Variants in PIWIL3 observed in about 807,000 individuals in gnomAD.
PIWIL3 encodes the protein piwi-like protein 3.
Under a neutral mutation model 109.7 loss-of-function variants are expected in PIWIL3, and 101 were observed. The ratio of observed to expected loss-of-function variants is 0.92; its 90% CI spans 0.78 to 1.09. The LOEUF is 1.09. Ranked by LOEUF, PIWIL3 falls within the 50% of genes least tolerant of loss-of-function variation. The pLI is 0.00. For missense variants in PIWIL3, 1,031 were observed against 1,072.6 expected, an observed-to-expected ratio of 0.96 and a Z score of 0.54; for synonymous variants, 373 against 376.4, an observed-to-expected ratio of 0.99 and a Z score of 0.10.
chr22:24,768,233 G>T (rs1006705449), intron 1 of PIWIL3, among the ~76,000 whole-genome samples: 4 of 151,226 alleles, frequency 2.6e-5, no homozygotes, highest in Admixed American at 1.3e-4. Flanking sequence ...GTTGTTTTTT[G>T]TTGTTGTTGT....
chr22:24,735,987 G>T, intron 12 of PIWIL3, 95 bp from the exon 13 acceptor site: 1 of 1,016,188 alleles, frequency 9.8e-7, no homozygotes, highest in Non-Finnish European at 1.4e-6. Flanking sequence ...ATCTCCTATA[G>T]AAATGTTACA....
chr22:24,733,105 T>A (rs1569099147), intron 14 of PIWIL3, among the ~76,000 whole-genome samples: 1 of 152,162 alleles, frequency 6.6e-6, no homozygotes, highest in Non-Finnish European at 1.5e-5. Context: ...ACGGCTCACA[T>A]AAGGTATTCT....
At chr22:24,741,434 G>A (rs1924003823) in intron 12 of PIWIL3, among the ~76,000 whole-genome samples, 1 of 152,104 alleles carries the variant, frequency 6.6e-6, no homozygotes, top group African/African-American at 2.4e-5. Context: ...AACCCAACAG[G>A]CAGAGGTTGT....
At chr22:24,742,583 C>T (rs373105146) in intron 12 of PIWIL3, among the ~76,000 whole-genome samples, 1 of 152,040 alleles carries the variant, frequency 6.6e-6, no homozygotes, top group Non-Finnish European at 1.5e-5. Flanking sequence ...AATAGAGAAC[C>T]CAGAAATAAA....
intron 3 of PIWIL3, among the ~76,000 whole-genome samples, chr22:24,758,340 C>T (rs995196081): frequency 3.9e-5 from 6 of 152,160 alleles, no homozygotes; most frequent in African/African-American, 9.7e-5. Flanking sequence ...GTCTTTAAGC[C>T]TATCTCCTGG....
chr22:24,749,233 G>C (rs920383041), intron 11 of PIWIL3, among the ~76,000 whole-genome samples, 171 bp downstream of exon 11: 3 of 150,978 alleles, frequency 2.0e-5, no homozygotes, highest in Non-Finnish European at 4.4e-5. Flanking sequence ...CTTCCCCCCC[G>C]GCCTCCTAAT....
At chr22:24,746,471 CTG>C (rs1470818633) in intron 12 of PIWIL3, among the ~76,000 whole-genome samples, 2 of 138,228 alleles carry the variant, frequency 1.4e-5, no homozygotes. Context: ...TGGGAAAAAA[CTG>C]AAAGCCTTTT....
chr22:24,754,937 GAAA>G, intron 6 of PIWIL3, 73 bp from the exon 7 acceptor site: 1 of 1,288,696 alleles, frequency 7.8e-7, no homozygotes, highest in East Asian at 2.3e-5. Context: ...ACACATAAGG[GAAA>G]AAAAATCTGT....
At chr22:24,761,686 G>C (rs1228512690) in intron 2 of PIWIL3, among the ~76,000 whole-genome samples, 1 of 151,978 alleles carries the variant, frequency 6.6e-6, no homozygotes, top group Admixed American at 6.6e-5. Flanking sequence ...TGAGGGGCTG[G>C]ACTATGGGTT....
intron 14 of PIWIL3, among the ~76,000 whole-genome samples, chr22:24,729,537 A>C (rs946689351): frequency 2.0e-5 from 3 of 152,178 alleles, no homozygotes; most frequent in Non-Finnish European, 4.4e-5. Flanking sequence ...AAATTTTCAA[A>C]TATTGGGTTG....
At chr22:24,733,911 T>C (rs921455527) in intron 14 of PIWIL3, among the ~76,000 whole-genome samples, 173 bp downstream of exon 14, 3 of 152,258 alleles carry the variant, frequency 2.0e-5, no homozygotes, top group African/African-American at 4.8e-5. Context: ...CATACGATTG[T>C]GATACTCAGG....
intron 17 of PIWIL3, among the ~76,000 whole-genome samples, 179 bp downstream of exon 17, chr22:24,725,266 G>A (rs1922921628): frequency 6.6e-6 from 1 of 152,196 alleles, no homozygotes; most frequent in Admixed American, 6.5e-5. Context: ...ATGGTAGGAT[G>A]TTTAGCAGCA....
chr22:24,764,775 G>C (rs1258739861), intron 1 of PIWIL3, among the ~76,000 whole-genome samples: 1 of 151,896 alleles, frequency 6.6e-6, no homozygotes, highest in African/African-American at 2.4e-5. Context: ...ACTTCCGGGC[G>C]TCCTAATTGA....
intron 2 of PIWIL3, among the ~76,000 whole-genome samples, chr22:24,761,419 T>C (rs1925432891): frequency 1.0e-5 from 1 of 99,312 alleles, no homozygotes; most frequent in Non-Finnish European, 2.3e-5. Flanking sequence ...CAACTAAAAG[T>C]GAAGAGGCAA....
chr22:24,734,774 C>CCGT (rs1923557945), intron 13 of PIWIL3, among the ~76,000 whole-genome samples: 1 of 151,360 alleles, frequency 6.6e-6, no homozygotes, highest in Non-Finnish European at 1.5e-5. Context: ...GTCCTGTGTT[C>CCGT]CTAACAAACC....
At chr22:24,732,573 C>G (rs942661390) in intron 14 of PIWIL3, among the ~76,000 whole-genome samples, 1 of 152,160 alleles carries the variant, frequency 6.6e-6, no homozygotes, top group African/African-American at 2.4e-5. Context: ...CCTGTAATCC[C>G]AGCACTTTGG....
intron 1 of PIWIL3, among the ~76,000 whole-genome samples, chr22:24,765,865 G>T (rs1925757860): frequency 6.6e-6 from 1 of 151,510 alleles, no homozygotes; most frequent in South Asian, 2.1e-4. Context: ...GGGAAAAAAA[G>T]CAGAATTTTA....
chr22:24,765,846 T>TA (rs202032493), intron 1 of PIWIL3, among the ~76,000 whole-genome samples: 2 of 151,178 alleles, frequency 1.3e-5, no homozygotes, highest in East Asian at 3.9e-4. Context: ...TGTAGTTGTG[T>TA]AAAAAATGGG....
At chr22:24,771,533 T>C (rs1320447711) in intron 1 of PIWIL3, among the ~76,000 whole-genome samples, 2 of 151,986 alleles carry the variant, frequency 1.3e-5, no homozygotes, top group Non-Finnish European at 2.9e-5. Context: ...ACTTCTTGCA[T>C]TTTGGATCCT....
Sources: allele counts gnomAD v4.1 joint callset (sites outside exome capture counted in the v4.1 genomes callset), GRCh38; gene constraint gnomAD v4.1.1; transcripts MANE v1.5; gene names NCBI Gene and HGNC (gene_info 2026-07-23, HGNC 2026-07-21).